Variants in PLD1 observed in about 807,000 individuals in gnomAD.
PLD1 encodes phospholipase D1, also known as choline phosphatase 1.
Under a neutral mutation model 137.1 loss-of-function variants are expected in PLD1, and 112 were observed. That is an observed-to-expected ratio of 0.82 (90% CI 0.70 to 0.96). PLD1 has a LOEUF of 0.96. PLD1 is among the 40% of genes least tolerant of loss of function. The pLI is 0.00. For missense variants in PLD1, 1,321 were observed against 1,342.0 expected, an observed-to-expected ratio of 0.98 and a Z score of 0.24; for synonymous variants, 431 against 454.7, an observed-to-expected ratio of 0.95 and a Z score of 0.66.
At chr3:171,799,464 T>G (rs1310830036) in intron 1 of PLD1, among the ~76,000 whole-genome samples, 2 of 151,180 alleles carry the variant, frequency 1.3e-5, no homozygotes, top group Non-Finnish European at 2.9e-5. Context: ...GCCACCTAAG[T>G]GTACTACTTT....
chr3:171,632,444 GGA>G (rs777825985), intron 23 of PLD1, among the ~76,000 whole-genome samples: 1 of 152,018 alleles, frequency 6.6e-6, no homozygotes, highest in Non-Finnish European at 1.5e-5. Flanking sequence ...TCTATAAACT[GGA>G]TAATAGTATT....
At chr3:171,623,133 G>A (rs1393472623) in intron 23 of PLD1, among the ~76,000 whole-genome samples, 1 of 151,878 alleles carries the variant, frequency 6.6e-6, no homozygotes, top group African/African-American at 2.4e-5. Flanking sequence ...AATTTAATGT[G>A]ATCTCATTAC....
intron 1 of PLD1, among the ~76,000 whole-genome samples, chr3:171,744,888 C>T (rs962384293): frequency 1.3e-5 from 2 of 152,342 alleles, no homozygotes; most frequent in Non-Finnish European, 2.9e-5. Flanking sequence ...TCCCATAAGA[C>T]ATCATGGTTT....
At chr3:171,733,016 A>G (rs1719066281) in intron 6 of PLD1, among the ~76,000 whole-genome samples, 1 of 152,208 alleles carries the variant, frequency 6.6e-6, no homozygotes, top group Admixed American at 6.5e-5. Context: ...ATGACAAACC[A>G]ATCAGATGGC....
intron 21 of PLD1, among the ~76,000 whole-genome samples, chr3:171,656,758 C>A (rs992573513): frequency 6.6e-6 from 1 of 152,176 alleles, no homozygotes; most frequent in Non-Finnish European, 1.5e-5. Flanking sequence ...GATCCCCTCA[C>A]CATGGGATCA....
chr3:171,799,970 A>C (rs1723580576), intron 1 of PLD1, among the ~76,000 whole-genome samples: 2 of 152,194 alleles, frequency 1.3e-5, no homozygotes, highest in Admixed American at 6.5e-5. Flanking sequence ...ACAACTATGA[A>C]ATGCAGCATG....
At chr3:171,711,252 C>T (rs1334018191) in intron 9 of PLD1, among the ~76,000 whole-genome samples, 1 of 145,826 alleles carries the variant, frequency 6.9e-6, no homozygotes, top group African/African-American at 2.5e-5. Context: ...CTCACTCCAA[C>T]TTCCGCCTCC....
chr3:171,704,049 A>C (rs1346287610), intron 11 of PLD1, among the ~76,000 whole-genome samples: 2 of 152,234 alleles, frequency 1.3e-5, no homozygotes, highest in Non-Finnish European at 2.9e-5. Flanking sequence ...TGGGAAACTA[A>C]AAATTGGGGA....
At chr3:171,787,461 A>G (rs1723052603) in intron 1 of PLD1, among the ~76,000 whole-genome samples, 3 of 152,182 alleles carry the variant, frequency 2.0e-5, no homozygotes, top group Non-Finnish European at 2.9e-5. Context: ...GTTCTCTCAC[A>G]TTGCAAGAGC....
intron 1 of PLD1, among the ~76,000 whole-genome samples, chr3:171,773,623 AAACT>A (rs143936249): frequency 0.046 from 6,942 of 152,008 alleles, 537 homozygotes; most frequent in African/African-American, 0.16. Flanking sequence ...CAAAACAAAC[AAACT>A]AACTAAAATG....
At chr3:171,719,354 C>T (rs1025875060) in intron 8 of PLD1, among the ~76,000 whole-genome samples, 2 of 152,192 alleles carry the variant, frequency 1.3e-5, no homozygotes, top group Non-Finnish European at 1.5e-5. Flanking sequence ...TCCTACAGTA[C>T]AGCGTAAGGT....
At chr3:171,810,373 G>A (rs1057187714) in intron 1 of PLD1, 26 bp downstream of exon 1, 6 of 152,286 alleles carry the variant, frequency 3.9e-5, no homozygotes, top group Non-Finnish European at 5.9e-5. Context: ...GGCGCCCGGT[G>A]ATCCGGGTCT....
Position 171,704,604 on chromosome 3 carries a change from A to T in PLD1, c.1145+4151T>A, listed in dbSNP as rs528730194. On this transcript the variant is annotated intron_variant, in intron 11 of 26. Coordinates refer to ENST00000351298, the MANE Select transcript of PLD1 (RefSeq NM_002662.5). ...TCTAATAAGGGTGAACACTCTTAAA[A>T]TGAATGAAAAGACAAAAAAGTCTTA... is the stretch of plus-strand genomic sequence containing the variant. 1.2e-4 allele frequency among the ~76,000 whole-genome samples: 19 copies of T among 152,326 alleles called. No homozygotes were observed. In the South Asian group the frequency reaches 3.9e-3, roughly 32 times the overall value.
chr3:171,733,462 A>T lies in PLD1; in HGVS notation c.588T>A (p.Tyr196Ter), dbSNP rs757094096. Reference protein sequence around the residue: ...YLTKILKMPMYRNYHATTEFL... With the variant: ...YLTKILKMPM ...TACTTACTGTGGCATGATAGTTTCT[A>T]TACATGGGCATTTTTAGTATCTTTG... Residue 196 changes from tyrosine (Y) to a stop codon, truncating the protein, a stop_gained, in exon 6 of 27, where the codon TAT (tyrosine) becomes TAA (stop). Transcript: ENST00000351298. LOFTEE classifies it high-confidence loss of function. 1.5e-6 allele frequency: 2 copies of T among 1,339,850 alleles called. No individual in the cohort carries two copies. Among genetic ancestry groups the T allele is most frequent in the Non-Finnish European group, 1.1e-6 (1 of 934,878 alleles). 83.0% of individuals were successfully genotyped at this position (1,339,850 alleles called of 1,614,324 possible).
In PLD1 at chr3:171,642,883, C is replaced by T; in HGVS notation, c.2550G>A (p.Met850Ile). The T allele has an allele frequency of 6.3e-7, 1 of 1,579,776 alleles. No individual in the cohort carries two copies. Residue 850 changes from methionine to isoleucine, a missense_variant, in exon 23 of 27, where the codon ATG becomes ATA. Met to Ile is a conservative substitution (Grantham distance 10, BLOSUM62 1). Coordinates refer to ENST00000351298, the MANE Select transcript of PLD1 (RefSeq NM_002662.5). ...CAAGGATGGAATTTTCTCCTCTGCA[C>T]ATGGTTCTGAAAATATGTAAAGGAG... ...QAIMHFNYRT[M>I]CRGENSILGQ...
At chr3:171,669,592 G>A (rs923978647) in intron 19 of PLD1, among the ~76,000 whole-genome samples, 1 of 152,188 alleles carries the variant, frequency 6.6e-6, no homozygotes, top group African/African-American at 2.4e-5. Flanking sequence ...AGTAGGACGG[G>A]GTTTTGCCAT....
intron 23 of PLD1, among the ~76,000 whole-genome samples, chr3:171,637,777 A>G (rs1424781030): frequency 6.6e-6 from 1 of 152,206 alleles, no homozygotes; most frequent in Non-Finnish European, 1.5e-5. Context: ...AAACCTGTAC[A>G]GCATGATACT....
intron 7 of PLD1, 115 bp from the exon 8 acceptor site, chr3:171,724,903 C>A: frequency 1.4e-6 from 1 of 715,564 alleles, no homozygotes; most frequent in East Asian, 2.6e-5. Context: ...GACTTTCCTC[C>A]CTACTCTCTC....
At chr3:171,779,500 T>G (rs1722708399) in intron 1 of PLD1, among the ~76,000 whole-genome samples, 1 of 152,138 alleles carries the variant, frequency 6.6e-6, no homozygotes. Context: ...AAATCAGCAG[T>G]GCCATTTTGG....
Sources: allele counts gnomAD v4.1 joint callset (sites outside exome capture counted in the v4.1 genomes callset), GRCh38; gene constraint gnomAD v4.1.1; transcripts MANE v1.5; gene names NCBI Gene and HGNC (gene_info 2026-07-23, HGNC 2026-07-21).